The following PAN3 variants were observed in gnomAD, a reference collection of about 807,000 sequenced individuals.
The protein encoded by PAN3 is poly(A) specific ribonuclease subunit PAN3.
A neutral mutation model predicts 96.2 loss-of-function variants in PAN3; 19 were observed. The observed-to-expected ratio is 0.20, with a 90% CI of 0.14 to 0.29. The LOEUF (loss-of-function observed/expected upper bound fraction) is 0.29, where lower values mean the gene tolerates loss of function less well. Ranked by LOEUF, PAN3 falls within the 10% of genes least tolerant of loss-of-function variation. PAN3 has a pLI of 1.00. For synonymous variants in PAN3, 433 were observed against 406.6 expected, an observed-to-expected ratio of 1.06 and a Z score of -0.78; for missense variants, 882 against 1,108.1, an observed-to-expected ratio of 0.80 and a Z score of 2.90.
At chr13:28,267,673 G>A (rs1326978931) in intron 12 of PAN3, among the ~76,000 whole-genome samples, 4 of 152,170 alleles carry the variant, frequency 2.6e-5, no homozygotes, top group African/African-American at 9.7e-5. Context: ...GTCTCACATG[G>A]CGGCAGACAA....
chr13:28,248,739 T>A (rs1274383655), intron 6 of PAN3, among the ~76,000 whole-genome samples: 1 of 152,196 alleles, frequency 6.6e-6, no homozygotes, highest in African/African-American at 2.4e-5. Context: ...TTTAGGCTGG[T>A]TTAAAATTCC....
chr13:28,229,008 A>G (rs1882279342), intron 6 of PAN3, among the ~76,000 whole-genome samples: 1 of 152,228 alleles, frequency 6.6e-6, no homozygotes, highest in Admixed American at 6.5e-5. Context: ...GCTTCTCAGC[A>G]TCTCTCAAGT....
intron 5 of PAN3, among the ~76,000 whole-genome samples, chr13:28,218,152 G>A (rs749610742): frequency 6.6e-6 from 1 of 151,936 alleles, no homozygotes; most frequent in African/African-American, 2.4e-5. Context: ...TTTTAAGAAT[G>A]CATCTTTATT....
At chr13:28,274,288 G>T (rs1293632489) in intron 14 of PAN3, among the ~76,000 whole-genome samples, 1 of 152,012 alleles carries the variant, frequency 6.6e-6, no homozygotes, top group Non-Finnish European at 1.5e-5. Flanking sequence ...TATACTTAGT[G>T]CCTAGGTAGT....
At chr13:28,285,515 CAT>C (rs1201328142) in intron 17 of PAN3, among the ~76,000 whole-genome samples, 3 of 152,100 alleles carry the variant, frequency 2.0e-5, no homozygotes, top group African/African-American at 7.2e-5. Flanking sequence ...GGTTTTGAGT[CAT>C]AATGATGGAT....
chr13:28,260,940 A>G (rs959175966), intron 8 of PAN3, among the ~76,000 whole-genome samples: 5 of 152,222 alleles, frequency 3.3e-5, no homozygotes, highest in African/African-American at 9.6e-5. Context: ...TTTTTTTAAA[A>G]GAATGTTTTT....
chr13:28,272,131 C>A, intron 14 of PAN3, 60 bp downstream of exon 14: 2 of 1,237,934 alleles, frequency 1.6e-6, no homozygotes, highest in South Asian at 1.4e-5. Context: ...AAATTTTGTT[C>A]ATTTTAAAGT....
At position 28,213,546 on chromosome 13, in the gene PAN3, C is replaced by T. The variant is rs558027658; in HGVS notation, c.853-6685C>T. Among the ~76,000 whole-genome samples the T allele has an allele frequency of 2.1e-4, 32 of 152,038 alleles. No homozygotes were observed. In the South Asian group the frequency reaches 6.4e-3, roughly 30 times the overall value. On this transcript the variant is annotated intron_variant, in intron 5 of 18. Transcript: ENST00000380958. ...CACTCAGAAACTGGTAAAATTCAAA[C>T]GAGGTGGGCAGTTTAGCTAAAATTA...
chr13:28,209,712 T>C (rs960758345), intron 5 of PAN3, among the ~76,000 whole-genome samples: 1 of 152,170 alleles, frequency 6.6e-6, no homozygotes, highest in Non-Finnish European at 1.5e-5. Flanking sequence ...ATGCTTATTC[T>C]TTGCTTATTC....
chr13:28,194,462 A>ATT (rs1256598721), intron 4 of PAN3, among the ~76,000 whole-genome samples: 2 of 101,390 alleles, frequency 2.0e-5, no homozygotes, highest in East Asian at 5.6e-4. Context: ...ATATATATAT[A>ATT]TATATTTTTT....
chr13:28,213,710 A>AG (rs1880343361), intron 5 of PAN3, among the ~76,000 whole-genome samples: 1 of 151,942 alleles, frequency 6.6e-6, no homozygotes, highest in African/African-American at 2.4e-5. Flanking sequence ...AGCAAAAAAA[A>AG]AAAAAAAAAA....
intron 4 of PAN3, among the ~76,000 whole-genome samples, chr13:28,184,684 AC>A (rs1323629593): frequency 2.0e-5 from 3 of 152,184 alleles, no homozygotes; most frequent in African/African-American, 7.2e-5. Flanking sequence ...AGTCTTGAAA[AC>A]ACTGGGCTAT....
intron 4 of PAN3, among the ~76,000 whole-genome samples, chr13:28,186,423 A>G (rs1454244184): frequency 6.6e-6 from 1 of 152,200 alleles, no homozygotes; most frequent in Non-Finnish European, 1.5e-5. Flanking sequence ...AGTTGGTATA[A>G]AATAGGCGCT....
intron 5 of PAN3, among the ~76,000 whole-genome samples, chr13:28,198,355 A>T (rs1032141164): frequency 3.9e-5 from 6 of 152,186 alleles, no homozygotes; most frequent in African/African-American, 1.4e-4. Flanking sequence ...AATCTGAAGA[A>T]CAAGATGCTT....
chr13:28,261,364 T>G lies in PAN3; in HGVS notation c.1354-37T>G, dbSNP rs776048168. ...AATAGGAATTCCAGGTTTCAGAATC[T>G]GTGTTTAAATAAAAATATACTTATT... On this transcript the variant is annotated intron_variant, in intron 8 of 18. Coordinates refer to ENST00000380958, the MANE Select transcript of PAN3 (RefSeq NM_175854.8). 7 of 1,404,800 alleles carry G rather than the reference T, an allele frequency of 5.0e-6. No homozygotes were observed. The East Asian group carries it at 1.5e-4, about 30-fold the overall frequency. The allele number at this position is 1,404,800 out of a possible 1,614,324, so 87.0% of individuals were successfully genotyped here.
intron 1 of PAN3, among the ~76,000 whole-genome samples, chr13:28,152,099 G>A (rs1871437105): frequency 6.6e-6 from 1 of 151,916 alleles, no homozygotes; most frequent in African/African-American, 2.4e-5. Flanking sequence ...GTAACATTTG[G>A]GTTCTACATA....
intron 6 of PAN3, among the ~76,000 whole-genome samples, chr13:28,229,990 T>A (rs533675699): frequency 3.9e-5 from 6 of 152,190 alleles, no homozygotes; most frequent in African/African-American, 1.4e-4. Context: ...CCTCTTAATC[T>A]CCCTTTCTCA....
intron 1 of PAN3, among the ~76,000 whole-genome samples, chr13:28,169,363 G>T (rs1874006367): frequency 6.6e-6 from 1 of 150,610 alleles, no homozygotes; most frequent in Non-Finnish European, 1.5e-5. Flanking sequence ...CCAAGTAGCT[G>T]GTCTTACAGG....
intron 1 of PAN3, among the ~76,000 whole-genome samples, chr13:28,166,025 C>G (rs547748868): frequency 6.6e-6 from 1 of 152,110 alleles, no homozygotes; most frequent in Admixed American, 6.5e-5. Flanking sequence ...CATTCTGCCC[C>G]GATCCCTTAA....
Sources: gnomAD v4.1 joint callset for allele counts (sites outside exome capture counted in the v4.1 genomes callset) on GRCh38, gnomAD v4.1.1 for gene constraint, MANE v1.5 for transcripts, NCBI Gene and HGNC (gene_info 2026-07-23, HGNC 2026-07-21) for gene names.